BARX2: variants seen among roughly 807,000 people sequenced by gnomAD.
BARX2 encodes homeobox protein BarH-like 2.
Under a neutral mutation model 25.5 loss-of-function variants are expected in BARX2, and 11 were observed. The ratio of observed to expected loss-of-function variants is 0.43; its 90% CI spans 0.27 to 0.71. BARX2 has a LOEUF of 0.71. BARX2 is among the 30% of genes least tolerant of loss of function. BARX2 has a pLI of 0.19. For synonymous variants in BARX2, 137 were observed against 149.5 expected, an observed-to-expected ratio of 0.92 and a Z score of 0.61; for missense variants, 360 against 359.9, an observed-to-expected ratio of 1.00 and a Z score of 0.00.
In BARX2 at chr11:129,402,840, C is replaced by A. The variant is rs79373358; in HGVS notation, c.187+26618C>A. On this transcript the variant is annotated intron_variant, in intron 1 of 3. Transcript: ENST00000281437. ...TGTAGACACAGAGGGAGATCCAAAC[C>A]AAACAACAACAAAAACCCTGGGAGT... 6.6e-3 allele frequency among the ~76,000 whole-genome samples: 1,006 copies of A among 152,242 alleles called. 8 individuals are homozygous for A. The highest frequency in any genetic ancestry group is 0.01 in the Non-Finnish European group (699 of 68,014).
At chr11:129,393,790 C>A (rs553366675) in intron 1 of BARX2, among the ~76,000 whole-genome samples, 1 of 151,902 alleles carries the variant, frequency 6.6e-6, no homozygotes, top group South Asian at 2.1e-4. Flanking sequence ...TTGTGTCTAC[C>A]CACCACCCAG....
intron 1 of BARX2, among the ~76,000 whole-genome samples, chr11:129,377,574 G>T (rs1861516501): frequency 6.6e-6 from 1 of 152,164 alleles, no homozygotes; most frequent in South Asian, 2.1e-4. Context: ...TTAGAAACAA[G>T]ATAGATCTCC....
chr11:129,451,447 AAG>A lies in BARX2; in HGVS notation c.*51_*52del. On this transcript the variant is annotated 3_prime_UTR_variant, in exon 4 of 4. Coordinates refer to ENST00000281437, the MANE Select transcript of BARX2 (RefSeq NM_003658.5). ...AAGAGGGAGACTGGGGAGAAGGGAA[AAG>A]AGAGAAGGCAGGGAGAGTAGGGAGA... The A allele has an allele frequency of 6.3e-7, 1 of 1,587,700 alleles. No individual in the cohort carries two copies. The highest frequency in any genetic ancestry group is 8.6e-7 in the Non-Finnish European group (1 of 1,163,214).
chr11:129,444,660 C>T (rs751471711), intron 3 of BARX2, among the ~76,000 whole-genome samples: 39 of 152,212 alleles, frequency 2.6e-4, no homozygotes, highest in Non-Finnish European at 3.7e-4. Context: ...ATAAGCCCAT[C>T]GGAGTTCAGA....
intron 1 of BARX2, among the ~76,000 whole-genome samples, chr11:129,394,125 G>T (rs959391494): frequency 3.3e-5 from 5 of 152,064 alleles, no homozygotes; most frequent in African/African-American, 1.2e-4. Context: ...GGTCATTTTT[G>T]AACTTTATAT....
Position 129,451,393 on chromosome 11 carries a change from A to G in BARX2, c.831A>G (p.Pro277=). 1 of 1,612,980 alleles carries G rather than the reference A, an allele frequency of 6.2e-7. No individual in the cohort carries two copies. The highest frequency in any genetic ancestry group is 8.5e-7 in the Non-Finnish European group (1 of 1,179,050). The part of the protein sequence containing the change: ...ELPIPSSEPP[P]LS ...CAATACCCTCTTCGGAACCCCCACCATTAAGCTAAAGTAAAACCCTTTTGA... is the reference window on the plus strand; with the variant it reads ...CAATACCCTCTTCGGAACCCCCACCGTTAAGCTAAAGTAAAACCCTTTTGA... The change falls in exon 4 of 4, where the codon CCA becomes CCG. Residue 277 remains proline, a synonymous_variant. Transcript: ENST00000281437.
chr11:129,442,715 G>T (rs755624340), intron 2 of BARX2, 120 bp from the exon 3 acceptor site: 3 of 854,936 alleles, frequency 3.5e-6, no homozygotes, highest in Non-Finnish European at 6.1e-6. Flanking sequence ...CTCGTTTAAT[G>T]GGGGAGGTCC....
chr11:129,414,040 T>A (rs1251352586), intron 1 of BARX2, among the ~76,000 whole-genome samples: 2 of 149,532 alleles, frequency 1.3e-5, no homozygotes, highest in African/African-American at 2.5e-5. Flanking sequence ...CACTCCAGCC[T>A]GGGAGGCAGA....
chr11:129,385,485 C>T (rs1475205383), intron 1 of BARX2, among the ~76,000 whole-genome samples: 1 of 152,120 alleles, frequency 6.6e-6, no homozygotes. Context: ...ACCAGATACA[C>T]TTGTATTAAT....
chr11:129,411,881 T>C (rs1346137674), intron 1 of BARX2, among the ~76,000 whole-genome samples: 1 of 152,226 alleles, frequency 6.6e-6, no homozygotes, highest in Non-Finnish European at 1.5e-5. Context: ...GAGCATCAGA[T>C]AGAAAATAGG....
At chr11:129,410,700 T>C (rs1196141441) in intron 1 of BARX2, among the ~76,000 whole-genome samples, 1 of 152,120 alleles carries the variant, frequency 6.6e-6, no homozygotes, top group Non-Finnish European at 1.5e-5. Flanking sequence ...ACGGTGGCCA[T>C]TTGGTTTCAC....
Position 129,380,200 on chromosome 11 carries a change from A to ACAC in BARX2, c.187+3980_187+3982dup, listed in dbSNP as rs527337884. Among the ~76,000 whole-genome samples, 25 of 152,186 alleles carry ACAC rather than the reference A, an allele frequency of 1.6e-4. No homozygotes were observed. In the South Asian group the frequency reaches 3.5e-3, roughly 21 times the overall value. On this transcript the variant is annotated intron_variant, in intron 1 of 3. Coordinates refer to ENST00000281437, the MANE Select transcript of BARX2 (RefSeq NM_003658.5). ...ACACCCGGGACTAACCCGTGCAGTC[A>ACAC]CACCCAGGGGACAGTCAACCAGCCA...
At chr11:129,426,110 GGAATCTGTA>G (rs1862059388) in intron 1 of BARX2, among the ~76,000 whole-genome samples, 1 of 151,548 alleles carries the variant, frequency 6.6e-6, no homozygotes, top group Non-Finnish European at 1.5e-5. Flanking sequence ...ACACAAAACT[GGAATCTGTA>G]GAGAGTGCAT....
intron 2 of BARX2, among the ~76,000 whole-genome samples, chr11:129,441,869 C>T (rs1862264628): frequency 6.6e-6 from 1 of 152,210 alleles, no homozygotes; most frequent in South Asian, 2.1e-4. Context: ...AACAATTACA[C>T]TGCTTCACTG....
intron 1 of BARX2, among the ~76,000 whole-genome samples, chr11:129,420,522 C>G (rs1056088135): frequency 3.3e-5 from 5 of 152,234 alleles, no homozygotes; most frequent in African/African-American, 1.2e-4. Context: ...AAAAAATAAT[C>G]TCTCTTCTGT....
chr11:129,442,676 G>T (rs1294953067), intron 2 of BARX2, 159 bp from the exon 3 acceptor site: 2 of 713,712 alleles, frequency 2.8e-6, no homozygotes, highest in Non-Finnish European at 2.5e-6. Flanking sequence ...TGGATTCTTG[G>T]AAGGAAAGAA....
At chr11:129,408,177 T>C (rs1341542617) in intron 1 of BARX2, among the ~76,000 whole-genome samples, 1 of 151,884 alleles carries the variant, frequency 6.6e-6, no homozygotes, top group Non-Finnish European at 1.5e-5. Flanking sequence ...AACAATACAT[T>C]TGGTGATTAG....
rs56804728 is a variant in BARX2, at chr11:129,378,563, C to CTT, written c.187+2360_187+2361dup. ...AATTTTCTTCTTTTCTTTTCTTTTT[C>CTT]TTTTTTTTTTTTTTTTTTTTGCTAG... On this transcript the variant is annotated intron_variant, in intron 1 of 3. Coordinates refer to ENST00000281437, the MANE Select transcript of BARX2 (RefSeq NM_003658.5). 4.1e-3 allele frequency among the ~76,000 whole-genome samples: 451 copies of CTT among 111,174 alleles called. 5 individuals carry two copies. The highest frequency in any genetic ancestry group is 5.8e-3 in the Admixed American group (57 of 9,840). The allele number at this position is 111,174 out of a possible 152,430, so 72.9% of individuals were successfully genotyped here.
At chr11:129,381,866 G>A (rs1038489038) in intron 1 of BARX2, among the ~76,000 whole-genome samples, 3 of 152,192 alleles carry the variant, frequency 2.0e-5, no homozygotes, top group Non-Finnish European at 4.4e-5. Context: ...CACAGATTCA[G>A]CCTCATAGCA....
Sources: gnomAD v4.1 joint callset for allele counts (sites outside exome capture counted in the v4.1 genomes callset) on GRCh38, gnomAD v4.1.1 for gene constraint, MANE v1.5 for transcripts, NCBI Gene and HGNC (gene_info 2026-07-23, HGNC 2026-07-21) for gene names.